The following PTPRK variants were observed in gnomAD, a reference collection of about 807,000 sequenced individuals.
PTPRK encodes receptor-type tyrosine-protein phosphatase kappa.
PTPRK carries 75 observed loss-of-function variants against 178.0 expected under a neutral mutation model. That is an observed-to-expected ratio of 0.42 (90% CI 0.35 to 0.51). The LOEUF (loss-of-function observed/expected upper bound fraction) is 0.51, where lower values mean the gene tolerates loss of function less well. Among genes scored for constraint, PTPRK ranks in the 20% least tolerant of loss-of-function variants. The pLI is 0.02. For synonymous variants in PTPRK, 637 were observed against 620.6 expected (o/e 1.03, Z -0.39); for missense variants, 1,441 against 1,797.8 (o/e 0.80, Z 3.59).
intron 13 of PTPRK, among the ~76,000 whole-genome samples, chr6:128,056,666 C>A (rs1489233463): frequency 6.6e-6 from 1 of 152,056 alleles, no homozygotes; most frequent in Non-Finnish European, 1.5e-5. Flanking sequence ...CCTTGTGATA[C>A]ACCTGCCTCG....
chr6:128,310,525 C>A (rs1827081673), intron 3 of PTPRK, among the ~76,000 whole-genome samples: 1 of 152,058 alleles, frequency 6.6e-6, no homozygotes, highest in Admixed American at 6.6e-5. Flanking sequence ...CAACTCAGGC[C>A]CATAGCTAAA....
At chr6:128,235,395 T>C (rs1813063946) in intron 5 of PTPRK, 1 of 204,254 alleles carries the variant, frequency 4.9e-6, no homozygotes, top group Non-Finnish European at 1.1e-5. Flanking sequence ...TATAACCAAA[T>C]GCTTTTTATT....
At chr6:127,998,019 A>G (rs545963732) in intron 16 of PTPRK, among the ~76,000 whole-genome samples, 2 of 152,176 alleles carry the variant, frequency 1.3e-5, no homozygotes, top group East Asian at 3.9e-4. Flanking sequence ...TTTCTCAGTA[A>G]GTGAAGGGTG....
intron 6 of PTPRK, among the ~76,000 whole-genome samples, chr6:128,216,545 A>T (rs925143758): frequency 6.7e-6 from 1 of 149,042 alleles, no homozygotes; most frequent in South Asian, 2.1e-4. Flanking sequence ...AGAAAAATAA[A>T]AAAAAAAAAA....
chr6:128,244,129 C>T (rs562653110), intron 3 of PTPRK, among the ~76,000 whole-genome samples: 76 of 152,098 alleles, frequency 5.0e-4, no homozygotes, highest in Middle Eastern at 3.4e-3. Flanking sequence ...ACTAGTGATA[C>T]AGAAAAGGAA....
intron 7 of PTPRK, among the ~76,000 whole-genome samples, chr6:128,123,228 G>C (rs1292261402): frequency 6.6e-6 from 1 of 152,106 alleles, no homozygotes; most frequent in Admixed American, 6.5e-5. Flanking sequence ...GCTGAAAAAG[G>C]CAAGGGAGCA....
chr6:128,230,492 T>C (rs2128278715), intron 5 of PTPRK, among the ~76,000 whole-genome samples: 1 of 152,334 alleles, frequency 6.6e-6, no homozygotes, highest in Non-Finnish European at 1.5e-5. Context: ...CTGGGATGGC[T>C]GGCAAGCTCT....
In PTPRK at chr6:128,520,517, C is replaced by CA; in HGVS notation, c.-160_-159insT. On this transcript the variant is annotated 5_prime_UTR_variant, in exon 1 of 30. An upstream open reading frame in the 5' UTR loses its in-frame stop. Coordinates refer to ENST00000368226, the MANE Select transcript of PTPRK (RefSeq NM_002844.4). Reference sequence around the variant, plus strand: ...TTCCTTCTTCGCGGTCGCCAAACTACCTCAGGGGCGAAAGCGTCGCCAGCG... The same window carrying CA: ...TTCCTTCTTCGCGGTCGCCAAACTACACTCAGGGGCGAAAGCGTCGCCAGCG... 3.1e-6 allele frequency: 2 copies of CA among 647,426 alleles called. No homozygotes were observed. 40.1% of individuals were successfully genotyped at this position (647,426 alleles called of 1,614,324 possible). A position where few individuals can be genotyped will look rare whatever the true frequency, so the allele number is the denominator to read the frequency against.
intron 7 of PTPRK, among the ~76,000 whole-genome samples, chr6:128,091,425 A>C (rs932864500): frequency 1.2e-4 from 19 of 152,180 alleles, no homozygotes; most frequent in African/African-American, 4.3e-4. Context: ...GACCGAAAAC[A>C]CAGTCTTTGC....
intron 3 of PTPRK, among the ~76,000 whole-genome samples, chr6:128,320,077 T>G (rs1163161603): frequency 6.6e-6 from 1 of 152,184 alleles, no homozygotes; most frequent in African/African-American, 2.4e-5. Flanking sequence ...TAGTCATCAT[T>G]TTCTCTGACA....
intron 13 of PTPRK, among the ~76,000 whole-genome samples, chr6:128,053,545 C>T (rs1314770903): frequency 3.9e-5 from 6 of 152,130 alleles, no homozygotes; most frequent in Non-Finnish European, 7.4e-5. Context: ...TCTGATTTCC[C>T]AAGGTGGATT....
At chr6:128,458,913 G>C (rs1227122760) in intron 1 of PTPRK, among the ~76,000 whole-genome samples, 1 of 152,044 alleles carries the variant, frequency 6.6e-6, no homozygotes, top group African/African-American at 2.4e-5. Context: ...CATTTCTCAT[G>C]GTCATTCAAA....
At position 127,976,670 on chromosome 6, in the gene PTPRK, C is replaced by T; in HGVS notation, c.3956G>A (p.Cys1319Tyr). Residue 1319 changes from cysteine to tyrosine, a missense_variant, in exon 27 of 30, where the codon TGC becomes TAC. Coordinates refer to ENST00000368226, the MANE Select transcript of PTPRK (RefSeq NM_002844.4). ...ATAGTGACTTACTCTTGTTAGATTG[C>T]ATATCCTAAAAATCCGGTTGATCAC... is the stretch of plus-strand genomic sequence containing the variant. ...CDVINRIFRICNLTRPQEGYL... is the reference protein window; with the variant it reads ...CDVINRIFRIYNLTRPQEGYL... 1 of 1,614,008 alleles carries T rather than the reference C, an allele frequency of 6.2e-7. No homozygotes were observed. Among genetic ancestry groups the T allele is most frequent in the Middle Eastern group, 1.6e-4 (1 of 6,062 alleles).
At chr6:128,247,131 C>T (rs1041655040) in intron 3 of PTPRK, among the ~76,000 whole-genome samples, 2 of 151,956 alleles carry the variant, frequency 1.3e-5, no homozygotes, top group African/African-American at 4.8e-5. Context: ...ACTGCCTTTC[C>T]GTACATCACG....
At chr6:128,329,158 C>T (rs1296354543) in intron 2 of PTPRK, among the ~76,000 whole-genome samples, 1 of 152,126 alleles carries the variant, frequency 6.6e-6, no homozygotes, top group Non-Finnish European at 1.5e-5. Context: ...TATCGCTCTG[C>T]TCTAATGAGA....
intron 1 of PTPRK, among the ~76,000 whole-genome samples, chr6:128,421,258 G>T (rs1843440456): frequency 6.6e-6 from 1 of 152,114 alleles, no homozygotes; most frequent in African/African-American, 2.4e-5. Context: ...TTACCTTGTG[G>T]AATAAAACTG....
chr6:128,068,553 G>C (rs1214572630), intron 11 of PTPRK, among the ~76,000 whole-genome samples: 1 of 151,616 alleles, frequency 6.6e-6, no homozygotes, highest in African/African-American at 2.4e-5. Flanking sequence ...ACTTTACAAA[G>C]GAGAGAAAAA....
rs188195523 is a variant in PTPRK, at chr6:128,032,988, C to A, written c.2195-23720G>T. On this transcript the variant is annotated intron_variant, in intron 13 of 29. Coordinates refer to ENST00000368226, the MANE Select transcript of PTPRK (RefSeq NM_002844.4). ...TACACCCCAAGCCAGTTCTAAATTACGTGATCTTCCCAGGAAGAAAGCAGC... is the reference window on the plus strand; with the variant it reads ...TACACCCCAAGCCAGTTCTAAATTAAGTGATCTTCCCAGGAAGAAAGCAGC... 7.6e-4 allele frequency among the ~76,000 whole-genome samples: 115 copies of A among 152,242 alleles called. 2 individuals are homozygous for A. The highest frequency in any genetic ancestry group is 2.5e-4 in the Non-Finnish European group (17 of 68,026).
intron 13 of PTPRK, among the ~76,000 whole-genome samples, chr6:128,029,827 G>A (rs1034172895): frequency 2.6e-5 from 4 of 152,000 alleles, no homozygotes; most frequent in African/African-American, 9.7e-5. Context: ...GAGGATGAAA[G>A]ATAAAAGAAG....
Sources: gnomAD v4.1 joint callset for allele counts (sites outside exome capture counted in the v4.1 genomes callset) on GRCh38, gnomAD v4.1.1 for gene constraint, MANE v1.5 for transcripts, NCBI Gene and HGNC (gene_info 2026-07-23, HGNC 2026-07-21) for gene names.